NOP9: variants seen among roughly 807,000 people sequenced by gnomAD.
NOP9 encodes nucleolar protein 9.
In NOP9, 50 loss-of-function variants were observed where a neutral mutation model predicts 63.0. The ratio of observed to expected loss-of-function variants is 0.79; its 90% CI spans 0.63 to 1.00. The LOEUF (loss-of-function observed/expected upper bound fraction) is 1.00, where lower values mean the gene tolerates loss of function less well. NOP9 is among the 50% of genes least tolerant of loss of function. NOP9 has a pLI of 0.00. For synonymous variants in NOP9, 343 were observed against 332.8 expected, an observed-to-expected ratio of 1.03 and a Z score of -0.33; for missense variants, 758 against 803.0, an observed-to-expected ratio of 0.94 and a Z score of 0.68.
At chr14:24,291,465 A>G in the NOP9 span, 5 of 1,403,362 alleles carry the variant, frequency 3.6e-6, no homozygotes, top group African/African-American at 7.1e-5. Context: ...ATGTTCCTCA[A>G]CCAACTCCCG....
Position 24,307,510 on chromosome 14 carries a change from A to G in NOP9, c.*2415A>G, listed in dbSNP as rs1162773942. On this transcript the variant is annotated 3_prime_UTR_variant, in exon 10 of 10. Coordinates refer to ENST00000267425, the MANE Select transcript of NOP9 (RefSeq NM_174913.3). ...TCCAAACTCCGAGCTTATATTAGAT[A>G]CTGACCTGGTAGTTGAGAAGAAAAG... 5 of 1,613,460 alleles carry G rather than the reference A, an allele frequency of 3.1e-6. No individual in the cohort carries two copies. In the South Asian group the frequency reaches 4.4e-5, roughly 14 times the overall value.
the NOP9 span, among the ~76,000 whole-genome samples, chr14:24,287,819 T>G: frequency 6.6e-6 from 1 of 152,234 alleles, no homozygotes; most frequent in East Asian, 1.9e-4. Flanking sequence ...GGTAGTTTAC[T>G]GCAGCACTCA....
In NOP9 at chr14:24,305,937, G is replaced by C. The variant is rs1386164496; in HGVS notation, c.*842G>C. On this transcript the variant is annotated 3_prime_UTR_variant, in exon 10 of 10. Coordinates refer to ENST00000267425, the MANE Select transcript of NOP9 (RefSeq NM_174913.3). ...AGGGGATGGGGCAGTATGACATGTT[G>C]ATTTCTGACCTGAGTACTTTCTTTG... 1 of 1,611,086 alleles carries C rather than the reference G, an allele frequency of 6.2e-7. No individual in the cohort carries two copies. The highest frequency in any genetic ancestry group is 1.7e-5 in the Admixed American group (1 of 59,888).
chr14:24,296,423 A>G, upstream of NOP9: 1 of 1,311,148 alleles, frequency 7.6e-7, no homozygotes, highest in Non-Finnish European at 1.1e-6. Context: ...GCCGGAGGGA[A>G]AAGGAGAGGG....
At position 24,306,523 on chromosome 14, in the gene NOP9, C is replaced by T. The variant is rs760223463; in HGVS notation, c.*1428C>T. 1 of 1,614,270 alleles carries T rather than the reference C, an allele frequency of 6.2e-7. No individual in the cohort carries two copies. The highest frequency in any genetic ancestry group is 2.2e-5 in the East Asian group (1 of 44,890). ...CCATTCAGCAGTAGGGTCTCCAATG[C>T]CTGCCCAATGGCAAGAAGCAAGAAG... On this transcript the variant is annotated 3_prime_UTR_variant, in exon 10 of 10. Coordinates refer to ENST00000267425, the MANE Select transcript of NOP9 (RefSeq NM_174913.3).
At chr14:24,282,072 A>G in the NOP9 span, among the ~76,000 whole-genome samples, 2 of 152,250 alleles carry the variant, frequency 1.3e-5, no homozygotes, top group East Asian at 1.9e-4. Flanking sequence ...ATGTAATTCC[A>G]TGCTACTGGG....
chr14:24,305,835 T>G lies in NOP9; in HGVS notation c.*740T>G. 6.3e-7 allele frequency: 1 copy of G among 1,594,656 alleles called. No individual in the cohort carries two copies. On this transcript the variant is annotated 3_prime_UTR_variant, in exon 10 of 10. Transcript: ENST00000267425. Reference sequence around the variant, plus strand: ...GGGAGGAAGCCATCAAGCTGGGAGATGAGGACTTTCCACAAGCAAGAGCTA... The same window carrying G: ...GGGAGGAAGCCATCAAGCTGGGAGAGGAGGACTTTCCACAAGCAAGAGCTA...
rs560111160 is a variant in NOP9 at position 24,306,699 on chromosome 14, C to G, written c.*1604C>G. 8.4e-6 allele frequency: 6 copies of G among 717,646 alleles called. No individual in the cohort carries two copies. In the African/African-American group the frequency reaches 1.1e-4, roughly 13 times the overall value. The allele number at this position is 717,646 out of a possible 1,614,324, so 44.5% of individuals were successfully genotyped here. ...CCGTGTTCTTCAGTTTTTGGGGGATCCTAGCTAGAGGCTGACCTTTTTCCT... is the reference window on the plus strand; with the variant it reads ...CCGTGTTCTTCAGTTTTTGGGGGATGCTAGCTAGAGGCTGACCTTTTTCCT... On this transcript the variant is annotated 3_prime_UTR_variant, in exon 10 of 10. Coordinates refer to ENST00000267425, the MANE Select transcript of NOP9 (RefSeq NM_174913.3).
chr14:24,286,082 T>C, the NOP9 span, among the ~76,000 whole-genome samples: 1 of 152,238 alleles, frequency 6.6e-6, no homozygotes, highest in East Asian at 1.9e-4. Context: ...GCCAAGAACC[T>C]TGACTTGCCT....
chr14:24,276,187 T>TC, the NOP9 span, among the ~76,000 whole-genome samples: 1 of 151,628 alleles, frequency 6.6e-6, no homozygotes, highest in African/African-American at 2.4e-5. Context: ...GACCAGCCTG[T>TC]CCAACACAGT....
At chr14:24,294,156 T>C in the NOP9 span, 1 of 152,162 alleles carries the variant, frequency 6.6e-6, no homozygotes, top group African/African-American at 2.4e-5. Context: ...AATGTGTTTA[T>C]AAACTTGAGG....
Position 24,300,484 on chromosome 14 carries a change from G to C in NOP9, c.324G>C (p.Glu108Asp). 1 of 1,614,272 alleles carries C rather than the reference G, an allele frequency of 6.2e-7. No homozygotes were observed. Among genetic ancestry groups the C allele is most frequent in the Non-Finnish European group, 8.5e-7 (1 of 1,180,052 alleles). Residue 108 changes from glutamate to aspartate, a missense_variant, in exon 2 of 10, where the codon GAG (glutamate) becomes GAC (aspartate). Coordinates refer to ENST00000267425, the MANE Select transcript of NOP9 (RefSeq NM_174913.3). ...LALSTNRTGS[E>D]MLQELLGFSP... The stretch of plus-strand genomic sequence containing the variant: ...TGTCCACGAACAGGACTGGCAGTGA[G>C]ATGCTGCAGGAACTGTTGGGATTCA...
chr14:24,300,249 A>T, intron 1 of NOP9, 48 bp downstream of exon 1: 1 of 1,599,064 alleles, frequency 6.3e-7, no homozygotes, highest in Non-Finnish European at 8.5e-7. Context: ...AATCCAGGGC[A>T]GGCAAGGAAA....
chr14:24,293,195 T>C, the NOP9 span: 1 of 162,264 alleles, frequency 6.2e-6, no homozygotes. Context: ...ATCCATAGAT[T>C]CAGTCAAATT....
intron 2 of NOP9, 65 bp downstream of exon 2, chr14:24,300,922 A>C: frequency 7.6e-7 from 1 of 1,307,602 alleles, no homozygotes; most frequent in Admixed American, 2.1e-5. Flanking sequence ...AGAATGAGAC[A>C]GTAAACAGAA....
upstream of NOP9, among the ~76,000 whole-genome samples, chr14:24,296,027 G>A (rs2041242321): frequency 6.6e-6 from 1 of 152,236 alleles, no homozygotes; most frequent in African/African-American, 2.4e-5. Context: ...GACCCTGTGT[G>A]ACCCAGTGAT....
Position 24,302,038 on chromosome 14 carries a change from GT to G in NOP9, c.886del (p.Cys296AlafsTer8). 6.2e-7 allele frequency: 1 copy of G among 1,613,964 alleles called. No individual in the cohort carries two copies. The highest frequency in any genetic ancestry group is 8.5e-7 in the Non-Finnish European group (1 of 1,179,870). ...LQVLHRKLPQ[F>X]CAHLCNAVIG... Reference sequence around the variant, plus strand: ...AGGTTTTACACCGCAAACTTCCCCAGTTTTGCGCTCATCTCTGCAATGCTGT... The same window carrying G: ...AGGTTTTACACCGCAAACTTCCCCAGTTTGCGCTCATCTCTGCAATGCTGT... On this transcript the variant is annotated frameshift_variant, in exon 4 of 10. Transcript: ENST00000267425. LOFTEE classifies it high-confidence loss of function.
At position 24,307,523 on chromosome 14, in the gene NOP9, T is replaced by C; in HGVS notation, c.*2428T>C. ...CTTATATTAGATACTGACCTGGTAG[T>C]TGAGAAGAAAAGTCAAGAAGGGGCG... On this transcript the variant is annotated 3_prime_UTR_variant, in exon 10 of 10. Transcript: ENST00000267425. 1.2e-6 allele frequency: 2 copies of C among 1,611,808 alleles called. No homozygotes were observed. Among genetic ancestry groups the C allele is most frequent in the Non-Finnish European group, 1.7e-6 (2 of 1,178,616 alleles).
At chr14:24,304,879 G>C (rs970952194) in intron 9 of NOP9, 59 bp from the exon 10 acceptor site, 1 of 1,476,604 alleles carries the variant, frequency 6.8e-7, no homozygotes, top group Admixed American at 2.5e-5. Context: ...GGATCTTTAC[G>C]TCAAGTAGAG....
Sources: gnomAD v4.1 joint callset for allele counts (sites outside exome capture counted in the v4.1 genomes callset) on GRCh38, gnomAD v4.1.1 for gene constraint, MANE v1.5 for transcripts, NCBI Gene and HGNC (gene_info 2026-07-23, HGNC 2026-07-21) for gene names.